The following DTWD2 variants were observed in gnomAD, a reference collection of about 807,000 sequenced individuals.
The protein encoded by DTWD2 is DTW motif tRNA-uridine aminocarboxypropyltransferase 2, also known as tRNA-uridine aminocarboxypropyltransferase 2.
A neutral mutation model predicts 31.8 loss-of-function variants in DTWD2; 39 were observed. That is an observed-to-expected ratio of 1.22 (90% CI 0.95 to 1.60). The LOEUF (loss-of-function observed/expected upper bound fraction) is 1.60. Among genes scored for constraint, DTWD2 ranks in the 40% most tolerant of loss-of-function variants. The pLI is 0.00. For missense variants in DTWD2, 515 were observed against 381.5 expected, an observed-to-expected ratio of 1.35 and a Z score of -2.92; for synonymous variants, 180 against 142.8, an observed-to-expected ratio of 1.26 and a Z score of -1.86.
In DTWD2 at chr5:118,840,001, G is replaced by C. The variant is rs948462540; in HGVS notation, c.*916C>G. 6.6e-6 allele frequency: 1 copy of C among 152,014 alleles called. No individual in the cohort carries two copies. The highest frequency in any genetic ancestry group is 1.5e-5 in the Non-Finnish European group (1 of 67,996). 9.4% of individuals were successfully genotyped at this position (152,014 alleles called of 1,614,324 possible). A position where few individuals can be genotyped will look rare whatever the true frequency, so the allele number is the denominator to read the frequency against. ...TTCCTGCCAAAATGTGTACATAATT[G>C]CAGTAGACTTGTGCTGAATATACAT... On this transcript the variant is annotated 3_prime_UTR_variant, in exon 6 of 6. Transcript: ENST00000510708.
At chr5:118,927,524 C>G (rs1753835922) in intron 4 of DTWD2, among the ~76,000 whole-genome samples, 1 of 151,710 alleles carries the variant, frequency 6.6e-6, no homozygotes. Context: ...GTGTGTGTGT[C>G]TATGTCTGTG....
intron 1 of DTWD2, among the ~76,000 whole-genome samples, chr5:118,949,045 A>T (rs1355161764): frequency 1.3e-5 from 2 of 152,164 alleles, no homozygotes; most frequent in Non-Finnish European, 2.9e-5. Context: ...TAGGTAACAG[A>T]TGAGGAAGAA....
intron 3 of DTWD2, among the ~76,000 whole-genome samples, chr5:118,931,876 C>T (rs966170790): frequency 1.3e-5 from 2 of 152,130 alleles, no homozygotes; most frequent in Non-Finnish European, 2.9e-5. Context: ...AGAAATCATA[C>T]AAAGTATGCT....
rs563626818 is a variant in DTWD2, at chr5:118,937,150, T to A, written c.404+2046A>T. Among the ~76,000 whole-genome samples the A allele has an allele frequency of 1.1e-4, 17 of 152,042 alleles. No individual in the cohort carries two copies. The East Asian group carries it at 3.3e-3, about 29-fold the overall frequency. On this transcript the variant is annotated intron_variant, in intron 3 of 5. Coordinates refer to ENST00000510708, the MANE Select transcript of DTWD2 (RefSeq NM_173666.4). ...GGGCTTTATCTTAGAAATAGAAGGG[T>A]TTTAACATGCAGAAATCAATCAATA...
chr5:118,894,430 T>A (rs1204807566), intron 4 of DTWD2, among the ~76,000 whole-genome samples: 1 of 152,184 alleles, frequency 6.6e-6, no homozygotes, highest in Non-Finnish European at 1.5e-5. Context: ...TTAAGGGACA[T>A]ACTACCTGAT....
intron 1 of DTWD2, among the ~76,000 whole-genome samples, chr5:118,975,931 C>T (rs144884528): frequency 0.014 from 2,198 of 152,216 alleles, 60 homozygotes; most frequent in African/African-American, 0.048. Context: ...TAAAATTGAC[C>T]ACATAATTAG....
intron 1 of DTWD2, among the ~76,000 whole-genome samples, chr5:118,954,863 T>C (rs531145566): frequency 6.6e-6 from 1 of 152,342 alleles, no homozygotes; most frequent in East Asian, 1.9e-4. Flanking sequence ...AACCTTTGAA[T>C]GCTTTTCTCC....
chr5:118,975,661 G>T (rs1177395956), intron 1 of DTWD2, among the ~76,000 whole-genome samples: 2 of 152,100 alleles, frequency 1.3e-5, no homozygotes, highest in Non-Finnish European at 2.9e-5. Context: ...CATCTTCATG[G>T]ATTTATCTAC....
chr5:118,892,153 A>G (rs1392704616), intron 4 of DTWD2, among the ~76,000 whole-genome samples: 3 of 152,130 alleles, frequency 2.0e-5, no homozygotes, highest in Non-Finnish European at 4.4e-5. Flanking sequence ...TTTTATCTAT[A>G]CAGAGCATTT....
At chr5:118,861,405 T>C (rs1234058564) in intron 4 of DTWD2, among the ~76,000 whole-genome samples, 7 of 152,150 alleles carry the variant, frequency 4.6e-5, no homozygotes, top group Non-Finnish European at 1.0e-4. Flanking sequence ...AATTTAAAAA[T>C]TTTCCCTGAG....
chr5:118,953,259 C>T (rs1754505823), intron 1 of DTWD2, among the ~76,000 whole-genome samples: 1 of 152,180 alleles, frequency 6.6e-6, no homozygotes, highest in South Asian at 2.1e-4. Flanking sequence ...TAGAGGTGTC[C>T]ACACCAGTGG....
chr5:118,915,825 C>T (rs1294260788), intron 4 of DTWD2, among the ~76,000 whole-genome samples: 1 of 152,108 alleles, frequency 6.6e-6, no homozygotes, highest in Non-Finnish European at 1.5e-5. Flanking sequence ...AGGATCTAGT[C>T]CTCTGGTTAC....
chr5:118,945,303 T>C (rs2149586426), intron 1 of DTWD2, among the ~76,000 whole-genome samples: 1 of 152,240 alleles, frequency 6.6e-6, no homozygotes, highest in Middle Eastern at 3.4e-3. Flanking sequence ...CAATATAAAG[T>C]TCAATTAGAA....
intron 1 of DTWD2, among the ~76,000 whole-genome samples, chr5:118,987,434 C>T (rs544356050): frequency 2.1e-4 from 32 of 152,194 alleles, no homozygotes; most frequent in Non-Finnish European, 3.4e-4. Context: ...GATCTTCAAC[C>T]ATATTCAGTC....
At chr5:118,842,272 A>G (rs1751736145) in intron 5 of DTWD2, among the ~76,000 whole-genome samples, 2 of 152,332 alleles carry the variant, frequency 1.3e-5, no homozygotes, top group East Asian at 3.8e-4. Context: ...CCAGCTACTA[A>G]TATTACATTC....
intron 4 of DTWD2, among the ~76,000 whole-genome samples, chr5:118,877,733 A>C (rs1752653290): frequency 6.6e-6 from 1 of 152,184 alleles, no homozygotes; most frequent in African/African-American, 2.4e-5. Context: ...AAAAAGGAAG[A>C]GAGAAAGTCA....
At chr5:118,963,803 G>T (rs1270080964) in intron 1 of DTWD2, among the ~76,000 whole-genome samples, 2 of 152,126 alleles carry the variant, frequency 1.3e-5, no homozygotes, top group East Asian at 1.9e-4. Flanking sequence ...CACTATTCAT[G>T]TTATATTACA....
chr5:118,836,224 G>A lies in DTWD2; in HGVS notation c.*4693C>T, dbSNP rs1751559153. On this transcript the variant is annotated 3_prime_UTR_variant, in exon 6 of 6. Coordinates refer to ENST00000510708, the MANE Select transcript of DTWD2 (RefSeq NM_173666.4). ...AATAATTCTTACGTTGTTAGTTCAA[G>A]TGAATCTTATTTTTATTTATTTATT... Among the ~76,000 whole-genome samples, 1 of 151,962 alleles carries A rather than the reference G, an allele frequency of 6.6e-6. No homozygotes were observed. The highest frequency in any genetic ancestry group is 1.9e-4 in the East Asian group (1 of 5,194).
intron 4 of DTWD2, among the ~76,000 whole-genome samples, chr5:118,885,631 G>A (rs1480193793): frequency 6.6e-6 from 1 of 151,458 alleles, no homozygotes; most frequent in African/African-American, 2.4e-5. Context: ...CAGGCGTGGT[G>A]GCATGCACCT....
Sources: gnomAD v4.1 joint callset for allele counts (sites outside exome capture counted in the v4.1 genomes callset) on GRCh38, gnomAD v4.1.1 for gene constraint, MANE v1.5 for transcripts, NCBI Gene and HGNC (gene_info 2026-07-23, HGNC 2026-07-21) for gene names.